The following ABCB1 variants were observed in gnomAD, a reference collection of about 807,000 sequenced individuals.
ABCB1 encodes ATP-dependent translocase ABCB1.
In ABCB1, 69 loss-of-function variants were observed where a neutral mutation model predicts 142.0. That is an observed-to-expected ratio of 0.49 (90% CI 0.40 to 0.59). The LOEUF (loss-of-function observed/expected upper bound fraction) is 0.59, where lower values mean the gene tolerates loss of function less well. Among genes scored for constraint, ABCB1 ranks in the 20% least tolerant of loss-of-function variants. ABCB1 has a pLI of 0.00. For missense variants in ABCB1, 1,326 were observed against 1,554.7 expected (o/e 0.85, Z 2.47); for synonymous variants, 532 against 539.2 (o/e 0.99, Z 0.18).
chr7:87,551,085 A>T (rs984909044), intron 9 of ABCB1, among the ~76,000 whole-genome samples: 32 of 152,158 alleles, frequency 2.1e-4, no homozygotes, highest in Admixed American at 1.9e-3. Context: ...GCAGTGGTGC[A>T]ATCATAGCTC....
chr7:87,678,890 A>C (rs1826637897), intron 1 of ABCB1, among the ~76,000 whole-genome samples: 1 of 152,162 alleles, frequency 6.6e-6, no homozygotes, highest in Non-Finnish European at 1.5e-5. Flanking sequence ...ACAAAACCAA[A>C]GTATGTATGC....
chr7:87,600,444 C>A (rs901875302), intron 1 of ABCB1, among the ~76,000 whole-genome samples: 3 of 152,206 alleles, frequency 2.0e-5, no homozygotes, highest in Non-Finnish European at 2.9e-5. Context: ...GCGATTCTCC[C>A]TCCCGGTTCC....
chr7:87,580,651 C>T (rs953459731), intron 4 of ABCB1, among the ~76,000 whole-genome samples: 9 of 152,270 alleles, frequency 5.9e-5, no homozygotes, highest in African/African-American at 2.2e-4. Context: ...CTACTCTAAT[C>T]TCTCTGTCTA....
At chr7:87,596,382 T>C (rs1317787245) in intron 2 of ABCB1, among the ~76,000 whole-genome samples, 2 of 152,078 alleles carry the variant, frequency 1.3e-5, no homozygotes, top group African/African-American at 2.4e-5. Flanking sequence ...GAAAAAAATG[T>C]CTGGAGTCCT....
At chr7:87,546,090 C>A in intron 14 of ABCB1, 66 bp from the exon 15 acceptor site, 1 of 1,513,638 alleles carries the variant, frequency 6.6e-7, no homozygotes, top group East Asian at 2.3e-5. Flanking sequence ...AACCATTCAA[C>A]ATATATTTAC....
chr7:87,713,140 G>A (rs971410243), intron 1 of ABCB1: 2 of 152,104 alleles, frequency 1.3e-5, no homozygotes, highest in African/African-American at 2.4e-5. Context: ...CAAACAATTA[G>A]AAAGAGTATT....
chr7:87,571,529 A>G (rs1347678670), intron 4 of ABCB1, among the ~76,000 whole-genome samples: 1 of 152,176 alleles, frequency 6.6e-6, no homozygotes, highest in Non-Finnish European at 1.5e-5. Context: ...TATGAGACTT[A>G]TAGAGGAAGA....
chr7:87,560,180 G>A (rs188507788), intron 8 of ABCB1, among the ~76,000 whole-genome samples: 1 of 152,222 alleles, frequency 6.6e-6, no homozygotes, highest in African/African-American at 2.4e-5. Context: ...CAGTCATTAA[G>A]CAGGACTCCT....
upstream of ABCB1, among the ~76,000 whole-genome samples, chr7:87,604,007 C>G (rs1027420440): frequency 2.1e-4 from 32 of 152,278 alleles, 1 homozygote; most frequent in Admixed American, 1.4e-3. Flanking sequence ...CCTTAGCATT[C>G]TTTGCAACTC....
rs907083092 is a variant in ABCB1 at position 87,544,743 on chromosome 7, C to A, written c.2064+80G>T. Reference sequence around the variant, plus strand: ...TTCTGGATAACCTCTCTTGTTCCCACTCCTACTGTAGCCCTAGCCCACCAA... The same window carrying A: ...TTCTGGATAACCTCTCTTGTTCCCAATCCTACTGTAGCCCTAGCCCACCAA... On this transcript the variant is annotated intron_variant, in intron 16 of 27. Transcript: ENST00000622132. 2.1e-6 allele frequency: 3 copies of A among 1,419,338 alleles called. 1 individual carries two copies. Among genetic ancestry groups the A allele is most frequent in the Non-Finnish European group, 9.9e-7 (1 of 1,008,324 alleles). The allele number at this position is 1,419,338 out of a possible 1,614,324, so 87.9% of individuals were successfully genotyped here.
chr7:87,569,272 G>T (rs188756857), intron 5 of ABCB1, among the ~76,000 whole-genome samples: 41 of 149,462 alleles, frequency 2.7e-4, no homozygotes, highest in African/African-American at 9.4e-4. Flanking sequence ...ATCGAAGGTC[G>T]CAGTGAGCCG....
chr7:87,602,750 A>G (rs553068901), upstream of ABCB1, among the ~76,000 whole-genome samples: 2 of 152,302 alleles, frequency 1.3e-5, no homozygotes, highest in South Asian at 4.1e-4. Context: ...AGATTCTACC[A>G]TTCTATTATA....
At chr7:87,509,585 A>C in intron 25 of ABCB1, 104 bp from the exon 26 acceptor site, 1 of 1,249,620 alleles carries the variant, frequency 8.0e-7, no homozygotes, top group Non-Finnish European at 1.1e-6. Flanking sequence ...TTACTGTGAG[A>C]TTAAGGAAAA....
intron 19 of ABCB1, among the ~76,000 whole-genome samples, chr7:87,537,552 T>G (rs114643756): frequency 2.0e-5 from 3 of 152,048 alleles, no homozygotes; most frequent in Admixed American, 2.0e-4. Flanking sequence ...CTTACTGATA[T>G]AGGGGAAGAG....
At chr7:87,709,558 C>T in intron 1 of ABCB1, 5 of 972,642 alleles carry the variant, frequency 5.1e-6, no homozygotes, top group Non-Finnish European at 6.1e-6. Flanking sequence ...TCATTTTCTT[C>T]CCAGTAGTAC....
At chr7:87,567,772 T>C (rs932829152) in intron 5 of ABCB1, among the ~76,000 whole-genome samples, 2 of 152,166 alleles carry the variant, frequency 1.3e-5, no homozygotes, top group African/African-American at 4.8e-5. Flanking sequence ...CCTGAATTAA[T>C]GTTTCCTTGC....
In ABCB1 at chr7:87,505,979, G is replaced by T. The variant is rs764463583; in HGVS notation, c.3554C>A (p.Ala1185Asp). Residue 1185 changes from alanine to aspartate, a missense_variant, in exon 27 of 28, where the codon GCC (alanine) becomes GAC (aspartate). Coordinates refer to ENST00000622132, the MANE Select transcript of ABCB1 (RefSeq NM_001348946.2). ...CTGTCTAACAAGGGCACGAGCTATG[G>T]CAATGCGTTGTTTCTGGCCACCAGA... Reference protein sequence around the residue: ...QLSGGQKQRIAIARALVRQPH... With the variant: ...QLSGGQKQRIDIARALVRQPH... 1.2e-6 allele frequency: 2 copies of T among 1,614,072 alleles called. No individual in the cohort carries two copies. The highest frequency in any genetic ancestry group is 2.2e-5 in the South Asian group (2 of 91,072).
intron 20 of ABCB1, 61 bp downstream of exon 20, chr7:87,536,397 T>C: frequency 6.6e-7 from 1 of 1,510,892 alleles, no homozygotes; most frequent in Non-Finnish European, 9.2e-7. Context: ...AGAAAATTAG[T>C]TTCATGCTGG....
At chr7:87,563,352 TACA>T (rs1249999363) in intron 7 of ABCB1, 15 of 454,892 alleles carry the variant, frequency 3.3e-5, no homozygotes, top group Non-Finnish European at 5.7e-5. Flanking sequence ...CTGGCAGAGA[TACA>T]ACAACAAAAA....
Sources: allele counts gnomAD v4.1 joint callset (sites outside exome capture counted in the v4.1 genomes callset), GRCh38; gene constraint gnomAD v4.1.1; transcripts MANE v1.5; gene names NCBI Gene and HGNC (gene_info 2026-07-23, HGNC 2026-07-21).